Variants in WWOX observed in about 807,000 individuals in gnomAD.
WWOX encodes the protein WW domain containing oxidoreductase.
Under a neutral mutation model 46.2 loss-of-function variants are expected in WWOX, and 69 were observed. That is an observed-to-expected ratio of 1.49 (90% CI 1.23 to 1.82). The LOEUF (loss-of-function observed/expected upper bound fraction) is 1.82, where lower values mean the gene tolerates loss of function less well. WWOX is among the 40% of genes most tolerant of loss of function. The probability of loss-of-function intolerance (pLI) is 0.00; values close to 1 mark genes in which losing one functional copy is unlikely to be tolerated. For synonymous variants in WWOX, 359 were observed against 202.6 expected (o/e 1.77, Z -6.56); for missense variants, 919 against 542.6 (o/e 1.69, Z -6.89).
In WWOX at chr16:78,296,214, C is replaced by G. The variant is rs142137891; in HGVS notation, c.517-90646C>G. On this transcript the variant is annotated intron_variant, in intron 5 of 8. Transcript: ENST00000566780. ...TTGAATGTCTTTTTCTTCACTCTATCTGTATTGTTTGGTGCTTTCTATATA... is the reference window on the plus strand; with the variant it reads ...TTGAATGTCTTTTTCTTCACTCTATGTGTATTGTTTGGTGCTTTCTATATA... 3.3e-5 allele frequency among the ~76,000 whole-genome samples: 5 copies of G among 152,062 alleles called. No homozygotes were observed. In the East Asian group the frequency reaches 9.7e-4, roughly 29 times the overall value.
intron 8 of WWOX, among the ~76,000 whole-genome samples, chr16:78,880,292 C>G (rs899429470): frequency 1.3e-5 from 2 of 152,132 alleles, no homozygotes; most frequent in Admixed American, 1.3e-4. Flanking sequence ...ATTTTATTTT[C>G]CATTACTTCA....
intron 8 of WWOX, among the ~76,000 whole-genome samples, chr16:78,790,215 C>G (rs755829779): frequency 6.6e-6 from 1 of 152,168 alleles, no homozygotes; most frequent in African/African-American, 2.4e-5. Context: ...CAGCTCACTG[C>G]AACCTGCTTC....
At chr16:79,011,854 A>C (rs2550729) in intron 8 of WWOX, among the ~76,000 whole-genome samples, 2,627 of 151,838 alleles carry the variant, frequency 0.017, 36 homozygotes, top group African/African-American at 0.043. Flanking sequence ...GGGTCTCACT[A>C]TGTTCTTCAG....
At chr16:78,411,541 G>A (rs1178957298) in intron 6 of WWOX, among the ~76,000 whole-genome samples, 2 of 152,102 alleles carry the variant, frequency 1.3e-5, no homozygotes, top group East Asian at 1.9e-4. Flanking sequence ...AGGAGAAGGG[G>A]GTGTAGTTGT....
At chr16:79,185,881 G>C (rs2051003571) in intron 8 of WWOX, among the ~76,000 whole-genome samples, 1 of 152,090 alleles carries the variant, frequency 6.6e-6, no homozygotes. Flanking sequence ...TTAGTGCTCA[G>C]ATATCTGAGG....
At chr16:78,766,166 G>A (rs905767038) in intron 8 of WWOX, among the ~76,000 whole-genome samples, 1 of 152,182 alleles carries the variant, frequency 6.6e-6, no homozygotes, top group African/African-American at 2.4e-5. Context: ...CATTTGCCAG[G>A]GGCAGGACAT....
At chr16:78,681,259 G>A (rs924986263) in intron 8 of WWOX, among the ~76,000 whole-genome samples, 2 of 150,738 alleles carry the variant, frequency 1.3e-5, no homozygotes, top group African/African-American at 4.8e-5. Context: ...AAATAAATAA[G>A]CTGGACGTGG....
At chr16:78,971,951 C>G (rs977717629) in intron 8 of WWOX, among the ~76,000 whole-genome samples, 2 of 152,186 alleles carry the variant, frequency 1.3e-5, no homozygotes, top group African/African-American at 4.8e-5. Context: ...CTCAGGCGCA[C>G]ACTCGGGGAG....
intron 8 of WWOX, among the ~76,000 whole-genome samples, chr16:78,729,847 C>T (rs750670863): frequency 6.6e-6 from 1 of 152,152 alleles, no homozygotes; most frequent in Non-Finnish European, 1.5e-5. Context: ...GTGCTTTCTT[C>T]CTGATAGTGA....
chr16:78,647,434 C>T (rs1384721380), intron 8 of WWOX, among the ~76,000 whole-genome samples: 1 of 152,118 alleles, frequency 6.6e-6, no homozygotes, highest in Non-Finnish European at 1.5e-5. Flanking sequence ...CAGATTAGCA[C>T]ACGGTTCCAT....
chr16:78,415,022 T>G (rs1458287582), intron 6 of WWOX, among the ~76,000 whole-genome samples: 1 of 151,072 alleles, frequency 6.6e-6, no homozygotes, highest in Non-Finnish European at 1.5e-5. Flanking sequence ...CAACTTTGGC[T>G]GTTGGACTAA....
intron 5 of WWOX, among the ~76,000 whole-genome samples, chr16:78,191,634 C>A (rs187398264): frequency 4.7e-4 from 71 of 152,080 alleles, no homozygotes; most frequent in African/African-American, 1.6e-3. Flanking sequence ...TTTATAGCTC[C>A]AGTTTGGTGG....
chr16:79,084,848 A>C (rs999001505), intron 8 of WWOX, among the ~76,000 whole-genome samples: 1 of 152,150 alleles, frequency 6.6e-6, no homozygotes, highest in African/African-American at 2.4e-5. Flanking sequence ...TACTGATTCA[A>C]CCTTTCATTT....
Position 78,404,001 on chromosome 16 carries a change from G to GA in WWOX, c.605+17057dup, listed in dbSNP as rs2082470518. On this transcript the variant is annotated intron_variant, in intron 6 of 8. Coordinates refer to ENST00000566780, the MANE Select transcript of WWOX (RefSeq NM_016373.4). ...TAACATATATTCATTTTTTAAAACT[G>GA]AAAATCAGAAGAGCAACTCCACCTA... Among the ~76,000 whole-genome samples, 4 of 152,254 alleles carry GA rather than the reference G, an allele frequency of 2.6e-5. No individual in the cohort carries two copies. In the South Asian group the frequency reaches 8.3e-4, roughly 32 times the overall value.
At chr16:78,704,918 TTG>T (rs914619742) in intron 8 of WWOX, among the ~76,000 whole-genome samples, 1 of 96,396 alleles carries the variant, frequency 1.0e-5, no homozygotes, top group Non-Finnish European at 2.1e-5. Context: ...AAAATACAAC[TTG>T]TTTTTTTTTT....
chr16:78,697,466 C>A (rs1396293946), intron 8 of WWOX, among the ~76,000 whole-genome samples: 1 of 152,128 alleles, frequency 6.6e-6, no homozygotes, highest in East Asian at 1.9e-4. Context: ...AGTAAACAGA[C>A]AACCCGCAGA....
chr16:78,789,084 A>C (rs2142583776), intron 8 of WWOX, among the ~76,000 whole-genome samples: 1 of 152,266 alleles, frequency 6.6e-6, no homozygotes, highest in African/African-American at 2.4e-5. Context: ...TGGGTGTTGT[A>C]TCTAAGAATC....
chr16:78,806,043 G>T (rs1475402993), intron 8 of WWOX, among the ~76,000 whole-genome samples: 1 of 152,096 alleles, frequency 6.6e-6, no homozygotes, highest in Non-Finnish European at 1.5e-5. Flanking sequence ...GCCACTTGAG[G>T]CTCTAGATAG....
intron 8 of WWOX, among the ~76,000 whole-genome samples, chr16:78,800,820 A>G (rs1232234607): frequency 1.3e-5 from 2 of 152,026 alleles, no homozygotes; most frequent in East Asian, 1.9e-4. Flanking sequence ...TTGAGATAGC[A>G]TCTCCTCCCC....
Sources: allele counts gnomAD v4.1 joint callset (sites outside exome capture counted in the v4.1 genomes callset), GRCh38; gene constraint gnomAD v4.1.1; transcripts MANE v1.5; gene names NCBI Gene and HGNC (gene_info 2026-07-23, HGNC 2026-07-21).